COMMD6: variants seen among roughly 807,000 people sequenced by gnomAD.
The protein encoded by COMMD6 is COMM domain containing 6.
COMMD6 carries 11 observed loss-of-function variants against 13.4 expected under a neutral mutation model. That is an observed-to-expected ratio of 0.82 (90% CI 0.52 to 1.36). COMMD6 has a LOEUF of 1.36. Ranked by LOEUF, COMMD6 falls within the 40% of genes most tolerant of loss-of-function variation. The probability of loss-of-function intolerance (pLI) is 0.00; values close to 1 mark genes in which losing one functional copy is unlikely to be tolerated. For synonymous variants in COMMD6, 43 were observed against 36.5 expected (o/e 1.18, Z -0.64); for missense variants, 124 against 102.4 (o/e 1.21, Z -0.91).
At chr13:75,537,939 T>A (rs915173050), upstream of COMMD6, 5 of 825,184 alleles carry the variant, frequency 6.1e-6, no homozygotes, top group South Asian at 1.8e-5. Context: ...AGCATCTTTA[T>A]GTGACTCATA....
chr13:75,527,887 C>T, intron 3 of COMMD6: 1 of 1,488,714 alleles, frequency 6.7e-7, no homozygotes, highest in Non-Finnish European at 9.0e-7. Context: ...TAAAAAGGTA[C>T]AAACTTTTGG....
rs1427367738 is a variant in COMMD6, at chr13:75,526,654, G to A, written c.208-15C>T. On this transcript the variant is annotated splice_polypyrimidine_tract_variant and intron_variant, in intron 3 of 3. Coordinates refer to ENST00000682242, the MANE Select transcript of COMMD6 (RefSeq NM_203495.4). ...CTGTAGAAATTCTGGAGAGAAAGGGGGAAAATAATATTAATTTTGCTTTTA... is the reference window on the plus strand; with the variant it reads ...CTGTAGAAATTCTGGAGAGAAAGGGAGAAAATAATATTAATTTTGCTTTTA... The A allele has an allele frequency of 1.3e-5, 20 of 1,572,030 alleles. No homozygotes were observed. The highest frequency in any genetic ancestry group is 1.7e-5 in the Non-Finnish European group (20 of 1,148,184).
intron 2 of COMMD6, 93 bp from the exon 3 acceptor site, chr13:75,530,359 T>C: frequency 3.3e-6 from 3 of 921,158 alleles, no homozygotes; most frequent in Non-Finnish European, 3.3e-6. Flanking sequence ...ACTCAACTTT[T>C]AGTTTCAACG....
rs142435984 is a variant in COMMD6 at position 75,536,337 on chromosome 13, A to G, written c.54+1327T>C. Among the ~76,000 whole-genome samples, 1,209 of 152,330 alleles carry G rather than the reference A, an allele frequency of 7.9e-3. 20 individuals carry two copies. The highest frequency in any genetic ancestry group is 0.053 in the South Asian group (256 of 4,826). On this transcript the variant is annotated intron_variant, in intron 2 of 3. Coordinates refer to ENST00000682242, the MANE Select transcript of COMMD6 (RefSeq NM_203495.4). ...GCTTTTCCTATGCAAACAATCATAT[A>G]ATCTGTGAATGACTGCATAGAAGGA...
At chr13:75,537,565 C>T in intron 2 of COMMD6, 99 bp downstream of exon 2, 1 of 1,572,056 alleles carries the variant, frequency 6.4e-7, no homozygotes, top group Non-Finnish European at 8.6e-7. Context: ...CTCGCGGACA[C>T]AGGACTAGGG....
intron 2 of COMMD6, among the ~76,000 whole-genome samples, chr13:75,535,149 C>T (rs4885309): frequency 0.86 from 130,699 of 152,002 alleles, 56,400 homozygotes; most frequent in East Asian, 1. Flanking sequence ...AGCCACAGGA[C>T]CTGGAGAAAA....
At chr13:75,540,423 T>C (rs1487384674), upstream of COMMD6, among the ~76,000 whole-genome samples, 1 of 152,030 alleles carries the variant, frequency 6.6e-6, no homozygotes, top group Non-Finnish European at 1.5e-5. Flanking sequence ...TGAAAAGATG[T>C]GTATTTTAAA....
chr13:75,526,443 T>C lies in COMMD6; in HGVS notation c.*146A>G, dbSNP rs2030258757. The C allele has an allele frequency of 6.5e-6, 4 of 618,846 alleles. No individual in the cohort carries two copies. The highest frequency in any genetic ancestry group is 1.1e-5 in the Non-Finnish European group (4 of 353,212). The allele number at this position is 618,846 out of a possible 1,614,324, so 38.3% of individuals were successfully genotyped here. A position where few individuals can be genotyped will look rare whatever the true frequency, so the allele number is the denominator to read the frequency against. On this transcript the variant is annotated 3_prime_UTR_variant, in exon 4 of 4. Coordinates refer to ENST00000682242, the MANE Select transcript of COMMD6 (RefSeq NM_203495.4). ...TTCATCACCACTACCCAGTTCCTGT[T>C]TGTCTGATTTTTATTATTTAAAAAA...
chr13:75,543,280 A>G (rs1442377933), upstream of COMMD6, among the ~76,000 whole-genome samples: 1 of 152,152 alleles, frequency 6.6e-6, no homozygotes, highest in Admixed American at 6.5e-5. Context: ...CCCCTGACAC[A>G]CAATTTACCC....
rs1392514205 is a variant in COMMD6, at chr13:75,544,936, A to AAAAAAAC, written n.106+4380_106+4386dup. On this transcript the variant is annotated intron_variant and non_coding_transcript_variant, in intron 1 of 2. Coordinates refer to the COMMD6 transcript ENST00000460675. ...GCAAGACTCTGTCTCCAAAAAAAAA[A>AAAAAAAC]AAAAAACAAAAAACAAGACTTAAGT... is the stretch of plus-strand genomic sequence containing the variant. 1.1e-4 allele frequency among the ~76,000 whole-genome samples: 17 copies of AAAAAAAC among 151,278 alleles called. 1 individual carries two copies. Among genetic ancestry groups the AAAAAAAC allele is most frequent in the African/African-American group, 2.9e-4 (12 of 41,400 alleles).
At chr13:75,542,716 G>C (rs149781764), upstream of COMMD6, among the ~76,000 whole-genome samples, 84 of 152,340 alleles carry the variant, frequency 5.5e-4, no homozygotes, top group African/African-American at 2.0e-3. Context: ...GGATTCCTCA[G>C]ATGAGTCCAG....
chr13:75,530,391 ATCT>A, intron 2 of COMMD6, 125 bp from the exon 3 acceptor site: 1 of 649,070 alleles, frequency 1.5e-6, no homozygotes, highest in Non-Finnish European at 2.5e-6. Context: ...TACATAAAGT[ATCT>A]TCATTTTAAT....
At chr13:75,544,275 A>AAAAAC (rs1430117123) in intron 1 of COMMD6, among the ~76,000 whole-genome samples, 2 of 152,206 alleles carry the variant, frequency 1.3e-5, no homozygotes, top group Non-Finnish European at 2.9e-5. Flanking sequence ...CACATGATTG[A>AAAAAC]AAAACAAAAC....
chr13:75,534,280 T>C (rs1340807101), intron 2 of COMMD6, among the ~76,000 whole-genome samples: 1 of 152,172 alleles, frequency 6.6e-6, no homozygotes, highest in African/African-American at 2.4e-5. Context: ...AGAAAAGCAA[T>C]GAAGGCGTGC....
At chr13:75,528,032 C>CAT (rs2030329542) in intron 3 of COMMD6, among the ~76,000 whole-genome samples, 1 of 142,756 alleles carries the variant, frequency 7.0e-6, no homozygotes, top group Non-Finnish European at 1.5e-5. Context: ...CACACACACA[C>CAT]ATACATGCAC....
upstream of COMMD6, among the ~76,000 whole-genome samples, chr13:75,542,894 A>C (rs2030848641): frequency 6.6e-6 from 1 of 152,216 alleles, no homozygotes; most frequent in Admixed American, 6.5e-5. Flanking sequence ...TGCTTCTAGA[A>C]GCTAGAATGG....
At chr13:75,527,855 G>A (rs749305833) in intron 3 of COMMD6, 2 of 1,502,460 alleles carry the variant, frequency 1.3e-6, no homozygotes, top group South Asian at 1.4e-5. Flanking sequence ...GCTGAGGCTG[G>A]GGGTCAATGG....
rs145586731 is a variant in COMMD6, at chr13:75,533,461, T to C, written c.55-3195A>G. On this transcript the variant is annotated intron_variant, in intron 2 of 3. Coordinates refer to ENST00000682242, the MANE Select transcript of COMMD6 (RefSeq NM_203495.4). ...GGCATGCCTTTAAGTCCCAGCTACT[T>C]GGGAGGATGAAGTGGGAGGATCACC... Among the ~76,000 whole-genome samples, 457 of 150,442 alleles carry C rather than the reference T, an allele frequency of 3.0e-3. 2 individuals are homozygous for C. Among genetic ancestry groups the C allele is most frequent in the Admixed American group, 8.1e-3 (122 of 15,110 alleles).
intron 3 of COMMD6, chr13:75,529,913 C>T: frequency 1.9e-6 from 1 of 527,306 alleles, no homozygotes; most frequent in Non-Finnish European, 3.3e-6. Context: ...TACACAACTT[C>T]AGCACATTAT....
Sources: allele counts gnomAD v4.1 joint callset (sites outside exome capture counted in the v4.1 genomes callset), GRCh38; gene constraint gnomAD v4.1.1; transcripts MANE v1.5; gene names NCBI Gene and HGNC (gene_info 2026-07-23, HGNC 2026-07-21).